Variants in ARHGEF4 observed in about 807,000 individuals in gnomAD.
ARHGEF4 encodes the protein APC-stimulated guanine nucleotide exchange factor 1.
In ARHGEF4, 119 loss-of-function variants were observed where a neutral mutation model predicts 162.0. The observed-to-expected ratio is 0.73, with a 90% CI of 0.63 to 0.86. The LOEUF (loss-of-function observed/expected upper bound fraction) is 0.86. Ranked by LOEUF, ARHGEF4 falls within the 40% of genes least tolerant of loss-of-function variation. The pLI is 0.00. For missense variants in ARHGEF4, 2,488 were observed against 2,456.0 expected, an observed-to-expected ratio of 1.01 and a Z score of -0.28; for synonymous variants, 1,014 against 979.9, an observed-to-expected ratio of 1.03 and a Z score of -0.65.
intron 4 of ARHGEF4, among the ~76,000 whole-genome samples, chr2:130,959,295 C>G (rs1684496544): frequency 6.6e-6 from 1 of 152,002 alleles, no homozygotes; most frequent in African/African-American, 2.4e-5. Flanking sequence ...GCATGATGTT[C>G]TGCACATAGA....
At chr2:130,924,727 A>G (rs1309267618) in intron 2 of ARHGEF4, among the ~76,000 whole-genome samples, 1 of 152,178 alleles carries the variant, frequency 6.6e-6, no homozygotes, top group Admixed American at 6.5e-5. Flanking sequence ...TAGGAAGGAC[A>G]CCAAGACCGA....
chr2:130,977,134 T>C (rs1685789385), intron 4 of ARHGEF4, among the ~76,000 whole-genome samples: 1 of 151,784 alleles, frequency 6.6e-6, no homozygotes, highest in South Asian at 2.1e-4. Context: ...TTGTGTGATG[T>C]CTGTGTATGT....
At chr2:130,871,461 G>A (rs552361594) in intron 1 of ARHGEF4, among the ~76,000 whole-genome samples, 65 of 151,968 alleles carry the variant, frequency 4.3e-4, no homozygotes, top group African/African-American at 1.4e-3. Flanking sequence ...GCTTGAACCC[G>A]GGAGGCAGAG....
rs1176396326 is a variant in ARHGEF4, at chr2:131,046,193, G to A, written c.*4G>A. 1 of 1,608,770 alleles carries A rather than the reference G, an allele frequency of 6.2e-7. No homozygotes were observed. The highest frequency in any genetic ancestry group is 1.3e-5 in the African/African-American group (1 of 74,850). ...GCTGGCACCCTTCCGCAAGTGAACT[G>A]GTCCCTGCCTGACAGCACCTGCTGG... On this transcript the variant is annotated 3_prime_UTR_variant, in exon 14 of 14. Transcript: ENST00000409359.
intron 3 of ARHGEF4, among the ~76,000 whole-genome samples, chr2:130,934,451 T>C (rs925347232): frequency 6.6e-6 from 1 of 152,244 alleles, no homozygotes; most frequent in Admixed American, 6.5e-5. Context: ...TTCTGATTAC[T>C]GATTCAATTC....
chr2:130,933,518 A>G (rs1682763704), intron 3 of ARHGEF4, among the ~76,000 whole-genome samples: 1 of 152,190 alleles, frequency 6.6e-6, no homozygotes, highest in South Asian at 2.1e-4. Flanking sequence ...TTGGGAGAGT[A>G]GTGCCATATT....
chr2:130,910,665 C>T (rs1294310282), intron 1 of ARHGEF4, among the ~76,000 whole-genome samples: 2 of 152,134 alleles, frequency 1.3e-5, no homozygotes, highest in African/African-American at 2.4e-5. Context: ...AACACTGCAC[C>T]GACCCATTAG....
intron 4 of ARHGEF4, among the ~76,000 whole-genome samples, chr2:131,023,012 G>A (rs1347594315): frequency 7.8e-6 from 1 of 128,176 alleles, no homozygotes; most frequent in Non-Finnish European, 1.6e-5. Flanking sequence ...GAACTGAGGT[G>A]GGAGGATCAC....
At chr2:130,976,644 G>A (rs1182418740) in intron 4 of ARHGEF4, among the ~76,000 whole-genome samples, 3 of 152,148 alleles carry the variant, frequency 2.0e-5, no homozygotes, top group African/African-American at 4.8e-5. Context: ...AAATAAATAC[G>A]AGTCCTAAAA....
intron 4 of ARHGEF4, among the ~76,000 whole-genome samples, chr2:130,970,433 A>G (rs1280218035): frequency 6.6e-6 from 1 of 152,082 alleles, no homozygotes; most frequent in South Asian, 2.1e-4. Context: ...TACTAAAAAT[A>G]CAAAAATTAG....
intron 13 of ARHGEF4, chr2:131,045,780 C>T (rs759199714): frequency 7.7e-6 from 11 of 1,426,356 alleles, no homozygotes; most frequent in Non-Finnish European, 1.0e-5. Context: ...AGAGCCATGC[C>T]CCTGAAACAT....
rs1689214792 is a variant in ARHGEF4, at chr2:131,022,687, CA to C, written c.3986-5254del. Among the ~76,000 whole-genome samples the C allele has an allele frequency of 2.0e-5, 3 of 148,994 alleles. No homozygotes were observed. In the South Asian group the frequency reaches 6.3e-4, roughly 31 times the overall value. On this transcript the variant is annotated intron_variant, in intron 4 of 13. Transcript: ENST00000409359. ...AAAAAAAAAACAAAAACCCCACACA[CA>C]AAATGAATTGTAGATTTCCATGTAA...
chr2:130,895,792 C>T (rs1680117360), intron 1 of ARHGEF4, among the ~76,000 whole-genome samples: 1 of 152,122 alleles, frequency 6.6e-6, no homozygotes, highest in Non-Finnish European at 1.5e-5. Flanking sequence ...CTGTGGCTTG[C>T]TTTTTCCTTA....
intron 3 of ARHGEF4, among the ~76,000 whole-genome samples, chr2:130,941,492 C>T (rs1683294196): frequency 1.3e-5 from 2 of 152,062 alleles, no homozygotes; most frequent in Admixed American, 1.3e-4. Flanking sequence ...GTGTGAGCCA[C>T]CATACTCAGC....
chr2:131,015,447 G>T (rs915182052), intron 4 of ARHGEF4, among the ~76,000 whole-genome samples: 1 of 152,224 alleles, frequency 6.6e-6, no homozygotes. Context: ...GTGTTACTCC[G>T]TTCGCATGAC....
At chr2:130,885,745 T>C (rs1253861431) in intron 1 of ARHGEF4, among the ~76,000 whole-genome samples, 1 of 151,646 alleles carries the variant, frequency 6.6e-6, no homozygotes, top group Non-Finnish European at 1.5e-5. Flanking sequence ...AATTTTTTTG[T>C]ATTTTTAGTA....
chr2:130,852,531 G>C (rs751954258), intron 1 of ARHGEF4, among the ~76,000 whole-genome samples: 1 of 152,016 alleles, frequency 6.6e-6, no homozygotes, highest in Non-Finnish European at 1.5e-5. Context: ...GAGCTGGTGG[G>C]GGTGGGGGGG....
chr2:130,938,774 A>G (rs1041206461), intron 3 of ARHGEF4, among the ~76,000 whole-genome samples: 1 of 152,060 alleles, frequency 6.6e-6, no homozygotes, highest in Non-Finnish European at 1.5e-5. Flanking sequence ...TTTTTCGTTT[A>G]TGGATGTGCT....
intron 12 of ARHGEF4, 109 bp from the exon 13 acceptor site, chr2:131,045,260 G>C (rs1235446180): frequency 9.4e-7 from 1 of 1,065,328 alleles, no homozygotes; most frequent in Non-Finnish European, 1.4e-6. Context: ...CCAGTACTGA[G>C]TCCCCAGTAC....
Sources: gnomAD v4.1 joint callset for allele counts (sites outside exome capture counted in the v4.1 genomes callset) on GRCh38, gnomAD v4.1.1 for gene constraint, MANE v1.5 for transcripts, NCBI Gene and HGNC (gene_info 2026-07-23, HGNC 2026-07-21) for gene names.